Variants in CHRM3 observed in about 807,000 individuals in gnomAD.
CHRM3 encodes cholinergic receptor muscarinic 3, also known as muscarinic acetylcholine receptor M3.
CHRM3 carries 11 observed loss-of-function variants against 41.8 expected under a neutral mutation model. The ratio of observed to expected loss-of-function variants is 0.26; its 90% CI spans 0.17 to 0.44. The LOEUF (loss-of-function observed/expected upper bound fraction) is 0.44. Ranked by LOEUF, CHRM3 falls within the 20% of genes least tolerant of loss-of-function variation. The pLI, the probability that CHRM3 is intolerant of heterozygous loss-of-function variation, is 1.00. For missense variants in CHRM3, 571 were observed against 745.4 expected (o/e 0.77, Z 2.72); for synonymous variants, 297 against 301.4 (o/e 0.99, Z 0.15).
intron 1 of CHRM3, among the ~76,000 whole-genome samples, chr1:239,484,752 A>G (rs1360888908): frequency 6.6e-6 from 1 of 152,124 alleles, no homozygotes; most frequent in Non-Finnish European, 1.5e-5. Flanking sequence ...AGTGGTGGGC[A>G]TTGTGTAGGG....
At chr1:239,769,806 A>C (rs1379929629) in intron 5 of CHRM3, among the ~76,000 whole-genome samples, 4 of 152,002 alleles carry the variant, frequency 2.6e-5, no homozygotes, top group African/African-American at 9.7e-5. Flanking sequence ...GCTTGAGCCC[A>C]GGAGGCAGAG....
intron 1 of CHRM3, among the ~76,000 whole-genome samples, chr1:239,444,255 A>G (rs181520129): frequency 2.6e-5 from 4 of 152,316 alleles, no homozygotes; most frequent in Non-Finnish European, 5.9e-5. Context: ...CTGTCTCCAT[A>G]TATTTTAAGT....
intron 5 of CHRM3, among the ~76,000 whole-genome samples, chr1:239,801,526 A>T (rs530017769): frequency 6.6e-6 from 1 of 152,150 alleles, no homozygotes; most frequent in Non-Finnish European, 1.5e-5. Context: ...TGTTTCTTTC[A>T]TGATAACAAT....
In CHRM3 at chr1:239,797,854, C is replaced by T. The variant is rs906503166; in HGVS notation, c.-146-29398C>T. Among the ~76,000 whole-genome samples, 5 of 151,974 alleles carry T rather than the reference C, an allele frequency of 3.3e-5. No individual in the cohort carries two copies. In the South Asian group the frequency reaches 6.2e-4, roughly 19 times the overall value. On this transcript the variant is annotated intron_variant, in intron 5 of 6. Transcript: ENST00000676153. Reference sequence around the variant, plus strand: ...CCTGAGCCCGGGAGTTAGAGGTCAGCGTGGCCAACATAGTGAGGCCCTGTC... The same window carrying T: ...CCTGAGCCCGGGAGTTAGAGGTCAGTGTGGCCAACATAGTGAGGCCCTGTC...
At chr1:239,620,439 T>C (rs1375827161) in intron 3 of CHRM3, among the ~76,000 whole-genome samples, 3 of 151,958 alleles carry the variant, frequency 2.0e-5, no homozygotes, top group East Asian at 1.9e-4. Flanking sequence ...TAGATACATA[T>C]ATAGATAGAA....
chr1:239,874,970 A>T (rs1676996846), intron 6 of CHRM3, among the ~76,000 whole-genome samples: 1 of 152,112 alleles, frequency 6.6e-6, no homozygotes, highest in Non-Finnish European at 1.5e-5. Flanking sequence ...AAGTGCTGGG[A>T]TTACAGTCAT....
In CHRM3 at chr1:239,870,527, AG is replaced by A. The variant is rs1318054533; in HGVS notation, c.-19-36905del. On this transcript the variant is annotated intron_variant, in intron 6 of 6. Transcript: ENST00000676153. ...AATGGATCTGCTGACAAGGTGGCTC[AG>A]TCTCACAGGTGAGCAGTTCAGAGCT... is the stretch of plus-strand genomic sequence containing the variant. Among the ~76,000 whole-genome samples, 6 of 152,352 alleles carry A rather than the reference AG, an allele frequency of 3.9e-5. No individual in the cohort carries two copies. In the East Asian group the frequency reaches 1.2e-3, roughly 29 times the overall value.
At chr1:239,900,930 T>C (rs1679499328) in intron 6 of CHRM3, among the ~76,000 whole-genome samples, 1 of 152,204 alleles carries the variant, frequency 6.6e-6, no homozygotes, top group South Asian at 2.1e-4. Context: ...CCATTCTGCA[T>C]AGCAAATCAC....
At chr1:239,477,713 G>T (rs1185240384) in intron 1 of CHRM3, among the ~76,000 whole-genome samples, 3 of 152,126 alleles carry the variant, frequency 2.0e-5, no homozygotes, top group Admixed American at 1.3e-4. Context: ...GAGGCCGAGG[G>T]CATGGGTGAA....
intron 6 of CHRM3, among the ~76,000 whole-genome samples, chr1:239,874,285 G>GTATGTATA (rs1676853167): frequency 1.2e-5 from 1 of 83,296 alleles, no homozygotes; most frequent in African/African-American, 6.1e-5. Context: ...TATATACACA[G>GTATGTATA]TATATATATA....
chr1:239,745,542 G>A (rs1003414780), intron 5 of CHRM3, among the ~76,000 whole-genome samples: 2 of 151,686 alleles, frequency 1.3e-5, no homozygotes, highest in African/African-American at 2.4e-5. Context: ...TGTGCAGAGC[G>A]TGCAGGTTTG....
intron 1 of CHRM3, among the ~76,000 whole-genome samples, chr1:239,407,415 TATAGAG>T (rs999539404): frequency 1.4e-4 from 15 of 106,036 alleles, no homozygotes; most frequent in African/African-American, 4.2e-4. Context: ...AATATATATA[TATAGAG>T]AGAGAGAGAG....
chr1:239,852,499 C>A (rs984381456), intron 6 of CHRM3, among the ~76,000 whole-genome samples: 1 of 152,136 alleles, frequency 6.6e-6, no homozygotes, highest in Non-Finnish European at 1.5e-5. Flanking sequence ...CAATACAATG[C>A]CCTCCCAGAG....
At chr1:239,447,698 C>T (rs932994970) in intron 1 of CHRM3, among the ~76,000 whole-genome samples, 1 of 152,142 alleles carries the variant, frequency 6.6e-6, no homozygotes, top group African/African-American at 2.4e-5. Flanking sequence ...ATCACTAGAA[C>T]CCGGGAGGCA....
intron 6 of CHRM3, among the ~76,000 whole-genome samples, chr1:239,880,827 C>A (rs537143198): frequency 3.6e-4 from 55 of 152,214 alleles, no homozygotes; most frequent in Middle Eastern, 6.8e-3. Context: ...CAACTAGAAG[C>A]AAGCAACTAA....
At chr1:239,643,943 A>G (rs1167275106) in intron 4 of CHRM3, among the ~76,000 whole-genome samples, 1 of 152,184 alleles carries the variant, frequency 6.6e-6, no homozygotes, top group Non-Finnish European at 1.5e-5. Context: ...TATCTGTGTG[A>G]TGCTTTATAA....
intron 1 of CHRM3, among the ~76,000 whole-genome samples, chr1:239,434,563 T>C (rs985922061): frequency 1.1e-4 from 16 of 152,220 alleles, no homozygotes; most frequent in Non-Finnish European, 1.6e-4. Flanking sequence ...AGTGGCTACC[T>C]TGAGCGCAGG....
chr1:239,642,715 C>T (rs1180510655), intron 4 of CHRM3, among the ~76,000 whole-genome samples: 2 of 152,166 alleles, frequency 1.3e-5, no homozygotes, highest in African/African-American at 2.4e-5. Context: ...GTTTGAATTT[C>T]CTCCTGTAGC....
intron 6 of CHRM3, among the ~76,000 whole-genome samples, chr1:239,904,022 C>T (rs1349192652): frequency 2.0e-5 from 3 of 152,140 alleles, no homozygotes; most frequent in Admixed American, 2.0e-4. Flanking sequence ...ATCATCAGCA[C>T]AAATATGAAT....
Sources: gnomAD v4.1 joint callset for allele counts (sites outside exome capture counted in the v4.1 genomes callset) on GRCh38, gnomAD v4.1.1 for gene constraint, MANE v1.5 for transcripts, NCBI Gene and HGNC (gene_info 2026-07-23, HGNC 2026-07-21) for gene names.